The following UBXN2A variants were observed in gnomAD, a reference collection of about 807,000 sequenced individuals.
UBXN2A encodes the protein UBX domain protein 2A, also known as UBX domain-containing protein 2A.
UBXN2A carries 28 observed loss-of-function variants against 28.4 expected under a neutral mutation model. The ratio of observed to expected loss-of-function variants is 0.99; its 90% confidence interval spans 0.73 to 1.35. UBXN2A has a LOEUF of 1.35. Ranked by LOEUF, UBXN2A falls within the 40% of genes most tolerant of loss-of-function variation. The probability of loss-of-function intolerance (pLI) is 0.00; values close to 1 mark genes in which losing one functional copy is unlikely to be tolerated. For synonymous variants in UBXN2A, 97 were observed against 103.6 expected, an observed-to-expected ratio of 0.94 and a Z score of 0.39; for missense variants, 253 against 297.9, an observed-to-expected ratio of 0.85 and a Z score of 1.11.
rs568308014 is a variant in UBXN2A at position 24,003,701 on chromosome 2, T to G, written c.*3834T>G. On this transcript the variant is annotated 3_prime_UTR_variant, in exon 7 of 7. Coordinates refer to ENST00000309033, the MANE Select transcript of UBXN2A (RefSeq NM_181713.4). ...CAGCAGTGTTAGAGCCTCTCTGTAG[T>G]GAAACAAAAATAATGTTCTTACCAA... The G allele has an allele frequency of 8.0e-6, 1 of 124,936 alleles. No individual in the cohort carries two copies. Among genetic ancestry groups the G allele is most frequent in the East Asian group, 2.2e-4 (1 of 4,478 alleles). The allele number at this position is 124,936 out of a possible 1,614,324, so 7.7% of individuals were successfully genotyped here.
At chr2:23,962,167 A>G (rs1164887560) in intron 2 of UBXN2A, among the ~76,000 whole-genome samples, 1 of 152,096 alleles carries the variant, frequency 6.6e-6, no homozygotes, top group African/African-American at 2.4e-5. Context: ...TTCTAAGTGT[A>G]TCAGTTGTTC....
intron 2 of UBXN2A, among the ~76,000 whole-genome samples, chr2:23,967,313 T>C (rs936786950): frequency 2.6e-5 from 4 of 152,352 alleles, no homozygotes; most frequent in African/African-American, 9.6e-5. Flanking sequence ...AAATTTCAGC[T>C]ACTCTGGATG....
chr2:23,956,197 C>T (rs1164557481), intron 1 of UBXN2A, among the ~76,000 whole-genome samples: 5 of 150,490 alleles, frequency 3.3e-5, no homozygotes, highest in Non-Finnish European at 7.4e-5. Context: ...AAAATCTGAT[C>T]GTATAGACTC....
intron 2 of UBXN2A, among the ~76,000 whole-genome samples, chr2:23,962,070 C>G (rs577984228): frequency 9.9e-5 from 15 of 152,064 alleles, no homozygotes; most frequent in Non-Finnish European, 2.1e-4. Flanking sequence ...GTCTTGAACT[C>G]CTGACCTCAG....
rs1708706209 is a variant in UBXN2A, at chr2:24,000,700, A to ATTAT, written c.*834_*835insTATT. 1 of 152,152 alleles carries ATTAT rather than the reference A, an allele frequency of 6.6e-6. No individual in the cohort carries two copies. Among genetic ancestry groups the ATTAT allele is most frequent in the Non-Finnish European group, 1.5e-5 (1 of 68,026 alleles). The allele number at this position is 152,152 out of a possible 1,614,324, so 9.4% of individuals were successfully genotyped here. On this transcript the variant is annotated 3_prime_UTR_variant, in exon 7 of 7. Transcript: ENST00000309033. ...TCAACAGAGTGAGACCCCTGTCTAT[A>ATTAT]TATTTTTTTAATTTAAAAAATAAAA... is the stretch of plus-strand genomic sequence containing the variant.
intron 1 of UBXN2A, among the ~76,000 whole-genome samples, chr2:23,930,123 C>T (rs937552997): frequency 6.6e-6 from 1 of 152,044 alleles, no homozygotes; most frequent in Admixed American, 6.6e-5. Context: ...CTCCTGACCT[C>T]GTGATCTGCC....
chr2:23,934,740 A>C (rs533308128), intron 1 of UBXN2A, among the ~76,000 whole-genome samples: 4 of 152,310 alleles, frequency 2.6e-5, no homozygotes, highest in African/African-American at 9.6e-5. Flanking sequence ...AACCCAAGCT[A>C]CCAGAAGGAA....
chr2:23,933,814 A>G (rs1333869921), intron 1 of UBXN2A, among the ~76,000 whole-genome samples: 1 of 152,228 alleles, frequency 6.6e-6, no homozygotes, highest in African/African-American at 2.4e-5. Flanking sequence ...GAGGCCATCA[A>G]TGAAGAGATG....
At chr2:23,988,680 T>C (rs12616250) in intron 6 of UBXN2A, among the ~76,000 whole-genome samples, 18,670 of 152,232 alleles carry the variant, frequency 0.12, 1,233 homozygotes, top group Middle Eastern at 0.22. Context: ...TTTCCCTTTG[T>C]AATTAATCTG....
intron 2 of UBXN2A, among the ~76,000 whole-genome samples, chr2:23,962,180 A>G (rs1706956035): frequency 6.6e-6 from 1 of 152,148 alleles, no homozygotes; most frequent in Non-Finnish European, 1.5e-5. Flanking sequence ...AGTTGTTCAA[A>G]GGTTATAAAT....
chr2:23,935,816 G>C (rs927421530), upstream of UBXN2A, among the ~76,000 whole-genome samples: 1 of 152,138 alleles, frequency 6.6e-6, no homozygotes, highest in South Asian at 2.1e-4. Flanking sequence ...TTGGGAAGCC[G>C]AGGTGGGTGG....
At chr2:23,955,797 A>G (rs1414219759) in intron 1 of UBXN2A, among the ~76,000 whole-genome samples, 1 of 152,216 alleles carries the variant, frequency 6.6e-6, no homozygotes, top group Non-Finnish European at 1.5e-5. Context: ...ACCATTGTAT[A>G]TGCAGTCCGT....
chr2:23,971,131 C>T, intron 2 of UBXN2A, 145 bp from the exon 3 acceptor site: 1 of 876,192 alleles, frequency 1.1e-6, no homozygotes, highest in Non-Finnish European at 1.6e-6. Flanking sequence ...TTAATGACTT[C>T]CCCAAGGTTA....
intron 6 of UBXN2A, among the ~76,000 whole-genome samples, chr2:23,991,320 G>A (rs149260640): frequency 2.4e-4 from 37 of 151,704 alleles, no homozygotes; most frequent in South Asian, 2.1e-3. Flanking sequence ...GATTTTCTTC[G>A]CCCATTGCCT....
chr2:23,928,590 TA>T (rs1211712807), intron 1 of UBXN2A, among the ~76,000 whole-genome samples: 3 of 149,894 alleles, frequency 2.0e-5, no homozygotes, highest in African/African-American at 4.9e-5. Flanking sequence ...AAAAAAAAAA[TA>T]AAATTCACAG....
At position 23,963,471 on chromosome 2, in the gene UBXN2A, C is replaced by CAA. The variant is rs563195167; in HGVS notation, c.41+5130_41+5131dup. Among the ~76,000 whole-genome samples the CAA allele has an allele frequency of 7.6e-3, 773 of 102,260 alleles. 6 individuals carry two copies. The highest frequency in any genetic ancestry group is 0.026 in the African/African-American group (720 of 27,644). 67.1% of individuals were successfully genotyped at this position (102,260 alleles called of 152,430 possible). On this transcript the variant is annotated intron_variant, in intron 2 of 6. Coordinates refer to ENST00000309033, the MANE Select transcript of UBXN2A (RefSeq NM_181713.4). ...TGAGTGAAAGAGTGAGACAGTGTCT[C>CAA]AAAAAAAAAAAAAAAGAGAAAAGTG...
chr2:23,992,967 C>T (rs1435066678), intron 6 of UBXN2A, among the ~76,000 whole-genome samples: 1 of 152,100 alleles, frequency 6.6e-6, no homozygotes, highest in Non-Finnish European at 1.5e-5. Context: ...TTTTACTCTG[C>T]AAGGAGGTTT....
intron 1 of UBXN2A, among the ~76,000 whole-genome samples, chr2:23,934,162 G>C (rs907008226): frequency 1.3e-5 from 2 of 151,988 alleles, no homozygotes; most frequent in Non-Finnish European, 2.9e-5. Context: ...GTTGCAGTGA[G>C]ATCGCACCAC....
chr2:23,989,246 A>G (rs959982306), intron 6 of UBXN2A, among the ~76,000 whole-genome samples: 4 of 148,806 alleles, frequency 2.7e-5, no homozygotes, highest in Admixed American at 6.7e-5. Flanking sequence ...ACATATACAT[A>G]TGTGTGTGTG....
Sources: gnomAD v4.1 joint callset for allele counts (sites outside exome capture counted in the v4.1 genomes callset) on GRCh38, gnomAD v4.1.1 for gene constraint, MANE v1.5 for transcripts, NCBI Gene and HGNC (gene_info 2026-07-23, HGNC 2026-07-21) for gene names.